Variants in MCC observed in about 807,000 individuals in gnomAD.
MCC encodes the protein colorectal mutant cancer protein.
Under a neutral mutation model 116.2 loss-of-function variants are expected in MCC, and 90 were observed. The ratio of observed to expected loss-of-function variants is 0.77; its 90% CI spans 0.65 to 0.92. MCC has a LOEUF of 0.92. Ranked by LOEUF, MCC falls within the 40% of genes least tolerant of loss-of-function variation. The pLI is 0.00. For synonymous variants in MCC, 578 were observed against 510.5 expected (o/e 1.13, Z -1.78); for missense variants, 1,516 against 1,312.2 (o/e 1.16, Z -2.40).
In MCC at chr5:113,075,746, G is replaced by A. The variant is rs568221660; in HGVS notation, c.1785-4512C>T. 1.2e-3 allele frequency among the ~76,000 whole-genome samples: 190 copies of A among 152,298 alleles called. 1 individual carries two copies. The highest frequency in any genetic ancestry group is 0.01 in the Middle Eastern group (3 of 294). ...CCGAGCCAGCAGCAGCAACCCGCTC[G>A]GGTGCCCTTCCATGCTGTGGAAGCT... On this transcript the variant is annotated intron_variant, in intron 11 of 18. Coordinates refer to ENST00000408903, the MANE Select transcript of MCC (RefSeq NM_001085377.2).
At chr5:113,435,861 C>T (rs968995069) in intron 1 of MCC, 1 of 152,940 alleles carries the variant, frequency 6.5e-6, no homozygotes, top group African/African-American at 2.4e-5. Flanking sequence ...CTGGATGCCA[C>T]CCTGAGCACT....
At chr5:113,397,250 C>T (rs1003890103) in intron 1 of MCC, among the ~76,000 whole-genome samples, 5 of 152,172 alleles carry the variant, frequency 3.3e-5, no homozygotes, top group African/African-American at 7.2e-5. Flanking sequence ...CTCCCACTGT[C>T]TTAAAGCACT....
intron 17 of MCC, among the ~76,000 whole-genome samples, chr5:113,033,141 C>A (rs781326703): frequency 6.6e-6 from 1 of 152,194 alleles, no homozygotes; most frequent in African/African-American, 2.4e-5. Context: ...GGGTCTGGAT[C>A]GGTAATATTT....
At chr5:113,165,214 C>A (rs1760705230) in intron 3 of MCC, among the ~76,000 whole-genome samples, 1 of 152,236 alleles carries the variant, frequency 6.6e-6, no homozygotes, top group Non-Finnish European at 1.5e-5. Context: ...CTTGACAGCG[C>A]TCCAGCTCTT....
chr5:113,061,000 T>C (rs2150227796), intron 14 of MCC, among the ~76,000 whole-genome samples: 1 of 152,316 alleles, frequency 6.6e-6, no homozygotes, highest in Non-Finnish European at 1.5e-5. Flanking sequence ...ACCCTTTCAA[T>C]GGACATGATT....
At chr5:113,467,323 A>G (rs1355046431) in intron 1 of MCC, among the ~76,000 whole-genome samples, 1 of 149,866 alleles carries the variant, frequency 6.7e-6, no homozygotes, top group Non-Finnish European at 1.5e-5. Flanking sequence ...TTTAGGTCTA[A>G]CATGTAAGTC....
At position 113,294,885 on chromosome 5, in the gene MCC, G is replaced by A. The variant is rs575923321; in HGVS notation, c.627+45634C>T. On this transcript the variant is annotated intron_variant, in intron 3 of 18. Transcript: ENST00000408903. ...GAAGGAAAGAAAGCTAGAGGGAGCC[G>A]GAGCGGAGCTGCACTTCACGCCGAA... The A allele has an allele frequency of 2.5e-4, 243 of 985,664 alleles. 6 individuals carry two copies. In the South Asian group the frequency reaches 9.7e-3, roughly 39 times the overall value. The allele number at this position is 985,664 out of a possible 1,614,324, so 61.1% of individuals were successfully genotyped here. A position where few individuals can be genotyped will look rare whatever the true frequency, so the allele number is the denominator to read the frequency against.
At chr5:113,280,761 T>C (rs1167691212) in intron 3 of MCC, among the ~76,000 whole-genome samples, 2 of 152,206 alleles carry the variant, frequency 1.3e-5, no homozygotes, top group African/African-American at 4.8e-5. Flanking sequence ...AGACCTGTGA[T>C]TCTCCTTTTA....
chr5:113,085,702 A>AT, intron 8 of MCC, among the ~76,000 whole-genome samples: 1 of 151,682 alleles, frequency 6.6e-6, no homozygotes, highest in African/African-American at 2.4e-5. Flanking sequence ...TTTTATTTTT[A>AT]TTTTTTTGAG....
At chr5:113,060,146 TTTTGTTTG>T (rs201966856) in intron 14 of MCC, among the ~76,000 whole-genome samples, 134 of 151,876 alleles carry the variant, frequency 8.8e-4, no homozygotes, top group Admixed American at 1.8e-3. Flanking sequence ...GAGCAGCTCT[TTTTGTTTG>T]TTTGTTTGTT....
chr5:113,298,803 G>A (rs911020784), intron 3 of MCC, among the ~76,000 whole-genome samples: 2 of 152,110 alleles, frequency 1.3e-5, no homozygotes, highest in Admixed American at 1.3e-4. Context: ...CTTATTTGAC[G>A]AGTAAACTAA....
At chr5:113,410,674 G>A (rs1335939296) in intron 1 of MCC, among the ~76,000 whole-genome samples, 3 of 152,184 alleles carry the variant, frequency 2.0e-5, no homozygotes, top group Non-Finnish European at 4.4e-5. Flanking sequence ...GGTTACATAG[G>A]TATACATGTG....
At chr5:113,146,807 T>C (rs547962197) in intron 4 of MCC, among the ~76,000 whole-genome samples, 2 of 152,336 alleles carry the variant, frequency 1.3e-5, no homozygotes, top group Admixed American at 6.5e-5. Context: ...TCAAATAATA[T>C]GCTACTGCTT....
chr5:113,449,272 T>C (rs1283819569), intron 1 of MCC, among the ~76,000 whole-genome samples: 1 of 152,168 alleles, frequency 6.6e-6, no homozygotes, highest in Non-Finnish European at 1.5e-5. Context: ...TGAGGAAAGC[T>C]AAAATAAACA....
chr5:113,327,234 G>T (rs550311137), intron 3 of MCC, among the ~76,000 whole-genome samples: 1 of 151,934 alleles, frequency 6.6e-6, no homozygotes, highest in Non-Finnish European at 1.5e-5. Context: ...GTGTGTGTTG[G>T]GGGGTGGGAT....
chr5:113,482,991 C>T (rs1580432004), intron 1 of MCC, among the ~76,000 whole-genome samples: 1 of 152,280 alleles, frequency 6.6e-6, no homozygotes, highest in East Asian at 1.9e-4. Context: ...GTCCCCATAT[C>T]ATTTCTCAAA....
At chr5:113,122,016 G>T (rs1300433888) in intron 6 of MCC, among the ~76,000 whole-genome samples, 2 of 152,204 alleles carry the variant, frequency 1.3e-5, no homozygotes, top group Non-Finnish European at 2.9e-5. Context: ...CTACAAGGAT[G>T]CAAGAAACAA....
intron 3 of MCC, among the ~76,000 whole-genome samples, chr5:113,278,208 G>T (rs1243371799): frequency 2.0e-5 from 3 of 152,138 alleles, no homozygotes; most frequent in African/African-American, 7.2e-5. Context: ...CCAGACCTGT[G>T]ACCTTGGACA....
Position 113,434,945 on chromosome 5 carries a change from G to A in MCC, c.171-49733C>T. On this transcript the variant is annotated intron_variant, in intron 1 of 18. Transcript: ENST00000408903. The surrounding 1 kb of genome is among the most constrained non-coding windows in gnomAD (Gnocchi z 4.2). ...CCTGGATAGAGAGTCCTTTGGGCTG[G>A]CCAGGCCTGCTGTTCCTGCCTCCTA... 5 of 1,401,632 alleles carry A rather than the reference G, an allele frequency of 3.6e-6. No homozygotes were observed. In the South Asian group the frequency reaches 5.8e-5, roughly 16 times the overall value. The allele number at this position is 1,401,632 out of a possible 1,614,324, so 86.8% of individuals were successfully genotyped here.
Sources: allele counts gnomAD v4.1 joint callset (sites outside exome capture counted in the v4.1 genomes callset), GRCh38; gene constraint gnomAD v4.1.1; non-coding constraint Gnocchi (gnomAD v3.1); transcripts MANE v1.5; gene names NCBI Gene and HGNC (gene_info 2026-07-23, HGNC 2026-07-21).